Variants in HUWE1 observed in about 807,000 individuals in gnomAD.
HUWE1 encodes the protein HECT, UBA and WWE domain containing E3 ubiquitin protein ligase 1.
HUWE1 carries 18 observed loss-of-function variants against 299.4 expected under a neutral mutation model. That is an observed-to-expected ratio of 0.06 (90% CI 0.04 to 0.09). HUWE1 has a LOEUF of 0.09. Among genes scored for constraint, HUWE1 ranks in the 10% least tolerant of loss-of-function variants. The pLI is 1.00. For missense variants in HUWE1, 1,832 were observed against 3,462.3 expected, an observed-to-expected ratio of 0.53 and a Z score of 11.82; for synonymous variants, 1,317 against 1,286.1, an observed-to-expected ratio of 1.02 and a Z score of -0.51.
chrX:53,592,823 T>C (rs1232562779), intron 32 of HUWE1, among the ~76,000 whole-genome samples, 195 bp from the exon 33 acceptor site: 1 of 111,899 alleles, frequency 8.9e-6, no homozygotes, highest in Non-Finnish European at 1.9e-5. Flanking sequence ...CAGTTTGGAA[T>C]ATTTGCTCTG....
intron 32 of HUWE1, 99 bp from the exon 33 acceptor site, chrX:53,592,727 G>C (rs2064229728): frequency 1.6e-6 from 1 of 610,249 alleles, no homozygotes; most frequent in Admixed American, 2.7e-5. Flanking sequence ...TCCACAACTA[G>C]TACCAGCAAC....
chrX:53,634,949 A>G (rs1464146204), intron 7 of HUWE1, among the ~76,000 whole-genome samples: 1 of 112,185 alleles, frequency 8.9e-6, no homozygotes, highest in East Asian at 2.8e-4. Context: ...GCATCTTAAC[A>G]GCCTTTAAAA....
chrX:53,632,968 G>C (rs2066968635), intron 8 of HUWE1, among the ~76,000 whole-genome samples: 1 of 112,579 alleles, frequency 8.9e-6, no homozygotes, highest in Non-Finnish European at 1.9e-5. Flanking sequence ...GAATGGAAAA[G>C]AACATTCCTA....
In HUWE1 at chrX:53,600,307, C is replaced by T. The variant is rs1182834261; in HGVS notation, c.2974G>A (p.Gly992Arg). Residue 992 changes from glycine (G) to arginine (R), a missense_variant and splice_region_variant, in exon 29 of 84, where the codon GGG becomes AGG. Around this residue, in one of 15 missense-constraint regions of HUWE1, gnomAD observed 658 missense variants for 1,282.6 expected, o/e 0.51. Transcript: ENST00000262854. ...GTTQGGKRSD[G>R]EQDGAAGSMD... ...CTTCCAGCTGCTCCATCCTGTTCCC[C>T]ATCTACAGATGTATAAGAGGGGAGC... 2 of 1,193,994 alleles carry T rather than the reference C, an allele frequency of 1.7e-6. No homozygotes were observed. Among genetic ancestry groups the T allele is most frequent in the Non-Finnish European group, 2.3e-6 (2 of 882,870 alleles).
Position 53,595,329 on chromosome X carries a change from G to A in HUWE1, c.3238C>T (p.Arg1080Cys). ...LVKLCVGSPV[R>C]QRRSHHAAST... ...GCAGCATGATGGCTCCTTCTCTGGC[G>A]GACAGGAGATCCCACACAAAGTTTA... Residue 1080 changes from arginine to cysteine, a missense_variant, in exon 30 of 84, where the codon CGC (arginine) becomes TGC (cysteine). Arg to Cys is a radical substitution (Grantham distance 180, BLOSUM62 -3). Transcript: ENST00000262854. 8.3e-7 allele frequency: 1 copy of A among 1,210,867 alleles called. No homozygotes were observed. The highest frequency in any genetic ancestry group is 1.1e-6 in the Non-Finnish European group (1 of 895,081).
chrX:53,598,703 A>G (rs1258085390), intron 29 of HUWE1, among the ~76,000 whole-genome samples: 1 of 112,019 alleles, frequency 8.9e-6, no homozygotes, highest in Non-Finnish European at 1.9e-5. Context: ...TTAGTAGTTA[A>G]GTTTTTGGGG....
In HUWE1 at chrX:53,537,549, C is replaced by A; in HGVS notation, c.12137+7G>T. 1 of 1,210,145 alleles carries A rather than the reference C, an allele frequency of 8.3e-7. No individual in the cohort carries two copies. The highest frequency in any genetic ancestry group is 1.1e-6 in the Non-Finnish European group (1 of 894,624). ...CCGCCATCTTTTCTCCGTTCCTGGG[C>A]CCTTACAATCGATTCTTCATTTCTT... On this transcript the variant is annotated splice_region_variant and intron_variant, in intron 78 of 83. Transcript: ENST00000262854.
chrX:53,622,095 G>A (rs782749209), intron 19 of HUWE1, among the ~76,000 whole-genome samples: 1 of 112,022 alleles, frequency 8.9e-6, no homozygotes, highest in African/African-American at 3.2e-5. Context: ...GGGTTTGAGT[G>A]TGAAATTATA....
At chrX:53,675,716 A>G (rs1557050908) in intron 3 of HUWE1, among the ~76,000 whole-genome samples, 1 of 111,659 alleles carries the variant, frequency 9.0e-6, no homozygotes, top group African/African-American at 3.3e-5. Context: ...CACAAACTAT[A>G]CTTTAGATAT....
Position 53,550,657 on chromosome X carries a change from C to G in HUWE1, c.9488+9G>C. ...GGTGATATGGTAAGGTAAAAATAGACAAAGGTACCTGTTATGGCTGCTGCT... is the reference window on the plus strand; with the variant it reads ...GGTGATATGGTAAGGTAAAAATAGAGAAAGGTACCTGTTATGGCTGCTGCT... On this transcript the variant is annotated intron_variant, in intron 66 of 83. Coordinates refer to ENST00000262854, the MANE Select transcript of HUWE1 (RefSeq NM_031407.7). 1.7e-6 allele frequency: 2 copies of G among 1,201,546 alleles called. No individual in the cohort carries two copies. The highest frequency in any genetic ancestry group is 2.2e-5 in the Admixed American group (1 of 45,966).
chrX:53,559,330 C>T (rs1195325109), intron 57 of HUWE1, 24 bp downstream of exon 57: 1 of 1,197,610 alleles, frequency 8.3e-7, no homozygotes, highest in East Asian at 3.0e-5. Flanking sequence ...AAATTCTACC[C>T]TCCCTTTCAC....
chrX:53,548,046 G>A lies in HUWE1; in HGVS notation c.10263C>T (p.Thr3421=). 1 of 1,210,750 alleles carries A rather than the reference G, an allele frequency of 8.3e-7. No homozygotes were observed. The highest frequency in any genetic ancestry group is 1.1e-6 in the Non-Finnish European group (1 of 895,031). Residue 3421 remains threonine (T), a synonymous_variant, in exon 68 of 84, where the codon ACC becomes ACT. Transcript: ENST00000262854. ...VPVSAGGEGE[T]SPYSLEASPL... ...GAGAGGCCTCGAGGCTGTATGGAGA[G>A]GTTTCCCCCTCACCGCCAGCGCTCA...
In HUWE1 at chrX:53,564,766, T is replaced by C. The variant is rs201567094; in HGVS notation, c.6881-44A>G. On this transcript the variant is annotated intron_variant, in intron 50 of 83. Transcript: ENST00000262854. ...CAGCAAAATAATCAAAGAGTGCCTA[T>C]GTGCTGGGCACCATGAGGCAAGCGC... 850 of 1,204,737 alleles carry C rather than the reference T, an allele frequency of 7.1e-4. 5 individuals carry two copies. The Middle Eastern group carries it at 0.012, about 17-fold the overall frequency.
At chrX:53,588,300 C>A in intron 37 of HUWE1, 82 bp downstream of exon 37, 2 of 1,029,296 alleles carry the variant, frequency 1.9e-6, no homozygotes, top group East Asian at 6.4e-5. Flanking sequence ...TTCGCTTTAT[C>A]GTCTTCAATG....
chrX:53,600,053 C>T, intron 29 of HUWE1, 65 bp downstream of exon 29: 1 of 1,017,110 alleles, frequency 9.8e-7, no homozygotes, highest in Non-Finnish European at 1.4e-6. Context: ...GCCTTTCCAA[C>T]TCAATCTGTT....
At chrX:53,678,590 T>C (rs1223169245) in intron 3 of HUWE1, among the ~76,000 whole-genome samples, 2 of 111,485 alleles carry the variant, frequency 1.8e-5, no homozygotes, top group African/African-American at 6.5e-5. Context: ...AAAACTAAGG[T>C]TGTGTATAAT....
At chrX:53,620,485 C>T (rs992493258) in intron 19 of HUWE1, among the ~76,000 whole-genome samples, 1 of 111,319 alleles carries the variant, frequency 9.0e-6, no homozygotes, top group African/African-American at 3.3e-5. Context: ...AAGGCTCAAG[C>T]AATCTGCCTG....
Position 53,608,862 on chromosome X carries a change from A to G in HUWE1, c.2309T>C (p.Ile770Thr). The change falls in exon 24 of 84, where the codon ATC becomes ACC. Residue 770 changes from isoleucine to threonine, a missense_variant. Transcript: ENST00000262854. ...ERIPIPLMDY[I>T]LNVMKFVESI... ...TGTGTTGAATCTTACCACATTAAGG[A>G]TGTAATCCATGAGGGGAATAGGAAT... 1 of 1,157,529 alleles carries G rather than the reference A, an allele frequency of 8.6e-7. No homozygotes were observed. Among genetic ancestry groups the G allele is most frequent in the South Asian group, 1.8e-5 (1 of 55,784 alleles).
intron 3 of HUWE1, among the ~76,000 whole-genome samples, chrX:53,655,674 C>T (rs1407973704): frequency 9.0e-6 from 1 of 111,381 alleles, no homozygotes; most frequent in Non-Finnish European, 1.9e-5. Context: ...TTTTTTCCTC[C>T]CCTTTTCTCA....
Sources: allele counts gnomAD v4.1 joint callset (sites outside exome capture counted in the v4.1 genomes callset), GRCh38; gene constraint gnomAD v4.1.1; regional missense constraint gnomAD v4.1.1; transcripts MANE v1.5; gene names NCBI Gene and HGNC (gene_info 2026-07-23, HGNC 2026-07-21).